Variants in SOX6 observed in about 807,000 individuals in gnomAD.
SOX6 encodes transcription factor SOX-6.
In SOX6, 11 loss-of-function variants were observed where a neutral mutation model predicts 97.8. The observed-to-expected ratio is 0.11, with a 90% CI of 0.07 to 0.19. The LOEUF is 0.19. SOX6 is among the 10% of genes least tolerant of loss of function. The pLI, the probability that SOX6 is intolerant of heterozygous loss-of-function variation, is 1.00. For synonymous variants in SOX6, 360 were observed against 371.4 expected, an observed-to-expected ratio of 0.97 and a Z score of 0.35; for missense variants, 810 against 1,039.5, an observed-to-expected ratio of 0.78 and a Z score of 3.04.
chr11:16,457,307 A>C (rs1304060577), intron 1 of SOX6, among the ~76,000 whole-genome samples: 2 of 152,088 alleles, frequency 1.3e-5, no homozygotes, highest in African/African-American at 2.4e-5. Flanking sequence ...ATGCAATCCT[A>C]ATTTGCCATG....
intron 1 of SOX6, among the ~76,000 whole-genome samples, chr11:16,468,819 T>C (rs1046318963): frequency 2.0e-5 from 3 of 152,064 alleles, no homozygotes; most frequent in African/African-American, 4.8e-5. Flanking sequence ...ACTTTAAGAG[T>C]AGGTTTTTGC....
At chr11:16,100,767 A>T (rs562194997) in intron 7 of SOX6, among the ~76,000 whole-genome samples, 1 of 151,060 alleles carries the variant, frequency 6.6e-6, no homozygotes, top group Non-Finnish European at 1.5e-5. Flanking sequence ...AAAAAAAAAA[A>T]GCCAAAAATC....
At chr11:16,661,257 T>A (rs990699316) in intron 3 of SOX6, among the ~76,000 whole-genome samples, 1 of 152,246 alleles carries the variant, frequency 6.6e-6, no homozygotes, top group African/African-American at 2.4e-5. Flanking sequence ...GAAGATAAAG[T>A]GTGCTACCAC....
chr11:16,164,782 C>T (rs1474393245), intron 6 of SOX6, among the ~76,000 whole-genome samples: 1 of 150,006 alleles, frequency 6.7e-6, no homozygotes, highest in Non-Finnish European at 1.5e-5. Flanking sequence ...GATCGCACCA[C>T]TGCACTCCAG....
chr11:15,981,453 G>T (rs1451016909), intron 15 of SOX6, among the ~76,000 whole-genome samples: 1 of 151,938 alleles, frequency 6.6e-6, no homozygotes, highest in African/African-American at 2.4e-5. Context: ...TGCTGGCAAA[G>T]CCCCATTGTT....
intron 10 of SOX6, among the ~76,000 whole-genome samples, chr11:16,055,286 G>C (rs980209493): frequency 2.0e-5 from 3 of 151,712 alleles, no homozygotes; most frequent in African/African-American, 4.8e-5. Context: ...TTTTGAATGA[G>C]AGATCTTCAT....
At chr11:16,592,637 T>C (rs1848166578) in intron 4 of SOX6, among the ~76,000 whole-genome samples, 1 of 152,040 alleles carries the variant, frequency 6.6e-6, no homozygotes, top group Admixed American at 6.6e-5. Context: ...ATAAACTTGT[T>C]AAATGAGCAA....
intron 1 of SOX6, among the ~76,000 whole-genome samples, chr11:16,405,654 C>T (rs1858668846): frequency 6.6e-6 from 1 of 152,064 alleles, no homozygotes; most frequent in Non-Finnish European, 1.5e-5. Flanking sequence ...CTGCAAAGCA[C>T]AATGAATTAA....
At chr11:16,350,568 T>A (rs1174988993) in intron 1 of SOX6, among the ~76,000 whole-genome samples, 1 of 152,094 alleles carries the variant, frequency 6.6e-6, no homozygotes, top group Non-Finnish European at 1.5e-5. Context: ...CGATGATGAG[T>A]AATTTAATCA....
At chr11:16,215,399 T>C (rs1852345713) in intron 4 of SOX6, among the ~76,000 whole-genome samples, 3 of 152,184 alleles carry the variant, frequency 2.0e-5, no homozygotes, top group South Asian at 4.1e-4. Context: ...CCACAATTTG[T>C]TATTAAAGTT....
At chr11:16,303,406 T>C (rs534533278) in intron 3 of SOX6, among the ~76,000 whole-genome samples, 3 of 152,214 alleles carry the variant, frequency 2.0e-5, no homozygotes, top group Non-Finnish European at 4.4e-5. Context: ...TTTTCATCTA[T>C]GTCAAAATCA....
intron 1 of SOX6, among the ~76,000 whole-genome samples, chr11:16,468,369 A>C (rs1393344760): frequency 6.6e-6 from 1 of 152,210 alleles, no homozygotes; most frequent in East Asian, 1.9e-4. Context: ...AAAGAGTTAC[A>C]ATAATTATTT....
intron 1 of SOX6, among the ~76,000 whole-genome samples, chr11:16,366,189 C>T (rs1053316066): frequency 2.0e-5 from 3 of 152,138 alleles, no homozygotes; most frequent in Admixed American, 2.0e-4. Context: ...TTCAGAATGT[C>T]CTTTGGGATT....
In SOX6 at chr11:16,448,642, G is replaced by A. The variant is rs141507247; in HGVS notation, c.-5+27673C>T. Among the ~76,000 whole-genome samples, 30 of 152,216 alleles carry A rather than the reference G, an allele frequency of 2.0e-4. No individual in the cohort carries two copies. In the East Asian group the frequency reaches 4.8e-3, roughly 25 times the overall value. ...ACAGTAATTACTATCCTTCATTTAAGTGAATTGTCCTATATTTAAGAATAT... is the reference window on the plus strand; with the variant it reads ...ACAGTAATTACTATCCTTCATTTAAATGAATTGTCCTATATTTAAGAATAT... On this transcript the variant is annotated intron_variant, in intron 1 of 15. Transcript: ENST00000396356.
chr11:16,550,886 T>G (rs1847677972), intron 4 of SOX6, among the ~76,000 whole-genome samples: 1 of 152,170 alleles, frequency 6.6e-6, no homozygotes, highest in Admixed American at 6.6e-5. Context: ...TTTTAAAATA[T>G]ACTCTGTAGA....
At chr11:16,165,076 T>A (rs1490655738) in intron 6 of SOX6, among the ~76,000 whole-genome samples, 8 of 152,192 alleles carry the variant, frequency 5.3e-5, no homozygotes, top group Non-Finnish European at 1.2e-4. Flanking sequence ...AGGAATGATT[T>A]TCAGTATATT....
intron 7 of SOX6, among the ~76,000 whole-genome samples, chr11:16,104,332 T>A (rs1849020962): frequency 6.6e-6 from 1 of 152,030 alleles, no homozygotes; most frequent in Admixed American, 6.6e-5. Context: ...ACACCACATG[T>A]AAAAATTACA....
chr11:16,065,990 G>A (rs1023042418), intron 9 of SOX6, among the ~76,000 whole-genome samples: 1 of 152,104 alleles, frequency 6.6e-6, no homozygotes, highest in Admixed American at 6.6e-5. Context: ...CCAATAATGG[G>A]AGAAAATATT....
intron 1 of SOX6, among the ~76,000 whole-genome samples, chr11:16,348,833 G>A (rs1198345819): frequency 6.6e-6 from 1 of 152,052 alleles, no homozygotes; most frequent in South Asian, 2.1e-4. Flanking sequence ...GTTACGCTTC[G>A]TTTTCGTCTT....
Sources: gnomAD v4.1 joint callset for allele counts (sites outside exome capture counted in the v4.1 genomes callset) on GRCh38, gnomAD v4.1.1 for gene constraint, MANE v1.5 for transcripts, NCBI Gene and HGNC (gene_info 2026-07-23, HGNC 2026-07-21) for gene names.